Variants in BRWD1 observed in about 807,000 individuals in gnomAD.
BRWD1 encodes bromodomain and WD repeat-containing protein 1.
A neutral mutation model predicts 251.2 loss-of-function variants in BRWD1; 82 were observed. The observed-to-expected ratio is 0.33, with a 90% CI of 0.27 to 0.39. The LOEUF is 0.39. BRWD1 is among the 10% of genes least tolerant of loss of function. BRWD1 has a pLI of 1.00. For synonymous variants in BRWD1, 918 were observed against 902.8 expected, an observed-to-expected ratio of 1.02 and a Z score of -0.30; for missense variants, 2,233 against 2,711.6, an observed-to-expected ratio of 0.82 and a Z score of 3.92.
rs148713185 is a variant in BRWD1, at chr21:39,202,519, G to C, written c.4391C>G (p.Ser1464Cys). 5 of 1,611,452 alleles carry C rather than the reference G, an allele frequency of 3.1e-6. No homozygotes were observed. Among genetic ancestry groups the C allele is most frequent in the Non-Finnish European group, 3.4e-6 (4 of 1,177,862 alleles). ...CAACTCAGGAATTATTTTTGTCTGAGATTTTAACCTCTTCGGCTTGAGGTT... is the reference window on the plus strand; with the variant it reads ...CAACTCAGGAATTATTTTTGTCTGACATTTTAACCTCTTCGGCTTGAGGTT... ...IRNLKPKRLK[S>C]QTKIIPELVG... Residue 1464 changes from serine (S) to cysteine (C), a missense_variant, in exon 38 of 41, where the codon TCT becomes TGT. Ser to Cys is a moderately radical substitution (Grantham distance 112, BLOSUM62 -1). This residue lies in a region of BRWD1 where 928 missense variants were observed against 970.0 expected (regional missense o/e 0.96). Coordinates refer to ENST00000342449, the MANE Select transcript of BRWD1 (RefSeq NM_033656.4).
chr21:39,246,957 A>C (rs34433511), intron 21 of BRWD1, among the ~76,000 whole-genome samples: 45,744 of 151,972 alleles, frequency 0.3, 7,341 homozygotes, highest in Middle Eastern at 0.35. Flanking sequence ...ACTCACCTGT[A>C]GCCCCAGCTA....
chr21:39,277,136 T>C (rs1331557402), intron 11 of BRWD1, 115 bp downstream of exon 11: 4 of 587,996 alleles, frequency 6.8e-6, no homozygotes, highest in Non-Finnish European at 1.1e-5. Flanking sequence ...GACAGTTCAT[T>C]TGTTCAACAG....
chr21:39,258,349 C>T, intron 18 of BRWD1, 138 bp downstream of exon 18: 1 of 709,480 alleles, frequency 1.4e-6, no homozygotes, highest in Non-Finnish European at 2.2e-6. Flanking sequence ...ATAAAGCTAC[C>T]TTCAGACTAC....
intron 11 of BRWD1, 94 bp downstream of exon 11, chr21:39,277,156 TA>T: frequency 1.3e-6 from 1 of 764,182 alleles, no homozygotes; most frequent in Non-Finnish European, 1.9e-6. Context: ...GAAAAAAAAT[TA>T]AAAATAAAAG....
At chr21:39,256,642 C>A (rs1385643510) in intron 18 of BRWD1, among the ~76,000 whole-genome samples, 1 of 152,088 alleles carries the variant, frequency 6.6e-6, no homozygotes, top group Non-Finnish European at 1.5e-5. Context: ...GCTGCGCAAC[C>A]TCCCATGAGC....
chr21:39,210,210 A>T (rs1267098793), intron 35 of BRWD1, 63 bp from the exon 36 acceptor site: 2 of 1,342,630 alleles, frequency 1.5e-6, no homozygotes, highest in Non-Finnish European at 2.1e-6. Flanking sequence ...ATGTAAATGC[A>T]TCAGATCTCT....
intron 29 of BRWD1, among the ~76,000 whole-genome samples, chr21:39,223,756 G>C (rs1391853464): frequency 6.6e-6 from 1 of 152,170 alleles, no homozygotes; most frequent in Non-Finnish European, 1.5e-5. Context: ...GAAGACAGAT[G>C]GAAGTCAAGT....
downstream of BRWD1, chr21:39,184,822 G>A (rs1403340980): frequency 6.6e-6 from 1 of 152,158 alleles, no homozygotes; most frequent in East Asian, 1.9e-4. Context: ...CCACAATGAT[G>A]TTTTAAAACA....
At chr21:39,316,976 G>C (rs1349019355), upstream of BRWD1, 2 of 152,154 alleles carry the variant, frequency 1.3e-5, no homozygotes. Flanking sequence ...TCCTTTACAA[G>C]AGCCTTGGGA....
At chr21:39,263,466 A>G (rs1006057775) in intron 17 of BRWD1, among the ~76,000 whole-genome samples, 4 of 152,196 alleles carry the variant, frequency 2.6e-5, no homozygotes, top group African/African-American at 9.6e-5. Flanking sequence ...GGACAGCTTC[A>G]AAAGGCTCTG....
At chr21:39,200,423 T>G (rs953772761) in intron 38 of BRWD1, 37 bp from the exon 39 acceptor site, 1 of 1,569,334 alleles carries the variant, frequency 6.4e-7, no homozygotes, top group African/African-American at 1.4e-5. Context: ...ACATATATTC[T>G]CCTGTCTTTA....
At chr21:39,241,473 T>TAAAAAAAAAAAAAA (rs61488970) in intron 21 of BRWD1, among the ~76,000 whole-genome samples, 1 of 44,920 alleles carries the variant, frequency 2.2e-5, no homozygotes, top group Non-Finnish European at 4.0e-5. Flanking sequence ...ATCTCCAAAG[T>TAAAAAAAAAAAAAA]AAAAAAAAAA....
At chr21:39,313,152 C>T (rs1204095760) in intron 2 of BRWD1, 51 bp from the exon 3 acceptor site, 2 of 1,493,196 alleles carry the variant, frequency 1.3e-6, no homozygotes, top group Admixed American at 2.3e-5. Flanking sequence ...CGGGGCGCTC[C>T]CGTTTCACCC....
intron 19 of BRWD1, among the ~76,000 whole-genome samples, chr21:39,251,643 G>A (rs1168896883): frequency 6.6e-6 from 1 of 152,192 alleles, no homozygotes; most frequent in Non-Finnish European, 1.5e-5. Context: ...ACGCCAGACA[G>A]CCCACACTCA....
In BRWD1 at chr21:39,188,238, C is replaced by A. The variant is rs914718704; in HGVS notation, c.*8021G>T. The A allele has an allele frequency of 1.0e-5, 10 of 985,272 alleles. No homozygotes were observed. In the African/African-American group the frequency reaches 1.6e-4, roughly 15 times the overall value. 61.0% of individuals were successfully genotyped at this position (985,272 alleles called of 1,614,324 possible). On this transcript the variant is annotated 3_prime_UTR_variant, in exon 41 of 41. Coordinates refer to ENST00000342449, the MANE Select transcript of BRWD1 (RefSeq NM_033656.4). ...GCCCTTGAATTTTAGGTCTTTCTTG[C>A]AGCCATGAACAGTCAAACTATCTAA...
intron 12 of BRWD1, among the ~76,000 whole-genome samples, 194 bp from the exon 13 acceptor site, chr21:39,274,666 C>T (rs1371397385): frequency 2.6e-5 from 4 of 152,088 alleles, no homozygotes; most frequent in African/African-American, 4.8e-5. Context: ...ATGATTTGCC[C>T]GGCCCTATGA....
At position 39,313,523 on chromosome 21, in the gene BRWD1, C is replaced by T; in HGVS notation, c.-32G>A. On this transcript the variant is annotated 5_prime_UTR_variant, in exon 1 of 41. Transcript: ENST00000342449. ...GCGCGGGGCGGGAGGCGGGAGCGAG[C>T]GAGCGAGCGGAGCGTGTAGGCCGCG... is the stretch of plus-strand genomic sequence containing the variant. The T allele has an allele frequency of 7.5e-7, 1 of 1,327,442 alleles. No homozygotes were observed. The highest frequency in any genetic ancestry group is 9.6e-7 in the Non-Finnish European group (1 of 1,045,116). 82.2% of individuals were successfully genotyped at this position (1,327,442 alleles called of 1,614,324 possible).
chr21:39,312,021 T>A (rs2036500989), intron 4 of BRWD1, among the ~76,000 whole-genome samples: 1 of 152,212 alleles, frequency 6.6e-6, no homozygotes, highest in Non-Finnish European at 1.5e-5. Context: ...ATTAATGAAT[T>A]CCTTTATCCT....
rs2031970092 is a variant in BRWD1 at position 39,199,039 on chromosome 21, A to C, written c.5377T>G (p.Ser1793Ala). 1.2e-6 allele frequency: 2 copies of C among 1,614,006 alleles called. No individual in the cohort carries two copies. The highest frequency in any genetic ancestry group is 1.7e-6 in the Non-Finnish European group (2 of 1,180,034). The stretch of plus-strand genomic sequence containing the variant: ...CTACCACCAGATCTTCCTGGTTCAG[A>C]ATCTGCTTCCTCTGAGATGCTCTCT... ...KAESISEEAD[S>A]EPGRSGGRKY... The change falls in exon 40 of 41, where the codon TCT (serine) becomes GCT (alanine). Residue 1793 changes from serine (S) to alanine (A), a missense_variant. Coordinates refer to ENST00000342449, the MANE Select transcript of BRWD1 (RefSeq NM_033656.4).
Sources: allele counts gnomAD v4.1 joint callset (sites outside exome capture counted in the v4.1 genomes callset), GRCh38; gene constraint gnomAD v4.1.1; regional missense constraint gnomAD v4.1.1; transcripts MANE v1.5; gene names NCBI Gene and HGNC (gene_info 2026-07-23, HGNC 2026-07-21).